The following HS6ST3 variants were observed in gnomAD, a reference collection of about 807,000 sequenced individuals.
HS6ST3 encodes the protein heparan-sulfate 6-O-sulfotransferase 3.
HS6ST3 carries 12 observed loss-of-function variants against 36.7 expected under a neutral mutation model. The ratio of observed to expected loss-of-function variants is 0.33; its 90% confidence interval spans 0.21 to 0.53. HS6ST3 has a LOEUF of 0.53. Among genes scored for constraint, HS6ST3 ranks in the 20% least tolerant of loss-of-function variants. The probability of loss-of-function intolerance (pLI) is 0.95; values close to 1 mark genes in which losing one functional copy is unlikely to be tolerated. For missense variants in HS6ST3, 584 were observed against 640.9 expected, an observed-to-expected ratio of 0.91 and a Z score of 0.96; for synonymous variants, 240 against 257.5, an observed-to-expected ratio of 0.93 and a Z score of 0.65.
chr13:96,209,007 G>A (rs2054385644), intron 1 of HS6ST3, among the ~76,000 whole-genome samples: 1 of 152,144 alleles, frequency 6.6e-6, no homozygotes. Flanking sequence ...ATGAGTTTGT[G>A]CACACTCCAA....
intron 1 of HS6ST3, among the ~76,000 whole-genome samples, chr13:96,701,093 GAAA>G (rs574383806): frequency 1.3e-5 from 2 of 152,002 alleles, no homozygotes; most frequent in East Asian, 3.9e-4. Context: ...GATTTTGGGA[GAAA>G]AAAACACGTT....
intron 1 of HS6ST3, among the ~76,000 whole-genome samples, chr13:96,687,609 C>T (rs1176302257): frequency 2.0e-5 from 3 of 151,638 alleles, no homozygotes; most frequent in South Asian, 2.1e-4. Flanking sequence ...GTAAAATGAT[C>T]TAGTAGTGTG....
At chr13:96,729,414 C>T (rs988110857) in intron 1 of HS6ST3, among the ~76,000 whole-genome samples, 1 of 152,066 alleles carries the variant, frequency 6.6e-6, no homozygotes, top group Non-Finnish European at 1.5e-5. Context: ...AACCTGGGTG[C>T]CATGAGATTA....
At chr13:96,121,470 G>A (rs2053925038) in intron 1 of HS6ST3, among the ~76,000 whole-genome samples, 1 of 152,186 alleles carries the variant, frequency 6.6e-6, no homozygotes. Context: ...CATCTTGTGG[G>A]CACCCTCCTT....
chr13:96,145,473 A>G (rs576325596), intron 1 of HS6ST3, among the ~76,000 whole-genome samples: 151 of 152,180 alleles, frequency 9.9e-4, no homozygotes, highest in African/African-American at 3.6e-3. Context: ...TGTCTGTTAT[A>G]TCCTTCGCCC....
At chr13:96,378,352 C>A (rs1017864064) in intron 1 of HS6ST3, among the ~76,000 whole-genome samples, 2 of 152,120 alleles carry the variant, frequency 1.3e-5, no homozygotes, top group Admixed American at 1.3e-4. Context: ...GACTTAGCTT[C>A]GGAAGAGGTG....
rs560506379 is a variant in HS6ST3 at position 96,579,339 on chromosome 13, C to A, written c.708-253151C>A. ...TACCCTGAAGCAAGAGACTATATGA[C>A]CTTCAGTGCAAAGACTTCAGACCAA... On this transcript the variant is annotated intron_variant, in intron 1 of 1. Transcript: ENST00000376705. Among the ~76,000 whole-genome samples the A allele has an allele frequency of 2.0e-4, 31 of 152,190 alleles. No homozygotes were observed. The South Asian group carries it at 6.0e-3, about 30-fold the overall frequency.
chr13:96,814,630 T>G (rs1279030318), intron 1 of HS6ST3, among the ~76,000 whole-genome samples: 1 of 152,144 alleles, frequency 6.6e-6, no homozygotes, highest in African/African-American at 2.4e-5. Flanking sequence ...TATTGGGGAT[T>G]TTTTTCAAGA....
intron 1 of HS6ST3, among the ~76,000 whole-genome samples, chr13:96,366,627 A>G (rs1223257025): frequency 1.3e-5 from 2 of 151,994 alleles, no homozygotes; most frequent in African/African-American, 4.8e-5. Context: ...CATGCCCAAG[A>G]TGCACCCCAG....
At chr13:96,329,377 T>C (rs1250875332) in intron 1 of HS6ST3, among the ~76,000 whole-genome samples, 237 of 111,296 alleles carry the variant, frequency 2.1e-3, no homozygotes, top group East Asian at 3.9e-3. Flanking sequence ...TTCTGGTATG[T>C]TGTGTCTTTG....
intron 1 of HS6ST3, among the ~76,000 whole-genome samples, chr13:96,497,646 T>C (rs1001177023): frequency 5.3e-5 from 8 of 152,138 alleles, no homozygotes; most frequent in African/African-American, 1.9e-4. Flanking sequence ...AATCTGATTG[T>C]ATCAGTCATG....
At chr13:96,231,654 A>G (rs1040895218) in intron 1 of HS6ST3, among the ~76,000 whole-genome samples, 2 of 152,148 alleles carry the variant, frequency 1.3e-5, no homozygotes, top group Non-Finnish European at 2.9e-5. Context: ...GGGATTTACA[A>G]TTGGACATGA....
chr13:96,640,053 AT>A (rs2056564903), intron 1 of HS6ST3, among the ~76,000 whole-genome samples: 1 of 151,686 alleles, frequency 6.6e-6, no homozygotes, highest in Non-Finnish European at 1.5e-5. Context: ...TGGTAGAATG[AT>A]TTATTTTGGT....
In HS6ST3 at chr13:96,110,441, TG is replaced by T. The variant is rs201356226; in HGVS notation, c.707+18873del. Among the ~76,000 whole-genome samples, 510 of 134,662 alleles carry T rather than the reference TG, an allele frequency of 3.8e-3. 10 individuals carry two copies. Among genetic ancestry groups the T allele is most frequent in the South Asian group, 0.024 (96 of 4,076 alleles). 88.3% of individuals were successfully genotyped at this position (134,662 alleles called of 152,430 possible). ...TTTTCTTTTTTAATTTGTGTGTGTG[TG>T]TTTTTTTTTTTTGAGACGGTGTCTC... On this transcript the variant is annotated intron_variant, in intron 1 of 1. Transcript: ENST00000376705.
At chr13:96,805,223 GA>G (rs1307823426) in intron 1 of HS6ST3, among the ~76,000 whole-genome samples, 1 of 152,108 alleles carries the variant, frequency 6.6e-6, no homozygotes, top group African/African-American at 2.4e-5. Flanking sequence ...GGCCTGGTGG[GA>G]GGTGATTGAG....
chr13:96,431,310 A>G (rs1476591461), intron 1 of HS6ST3, among the ~76,000 whole-genome samples: 1 of 152,130 alleles, frequency 6.6e-6, no homozygotes, highest in Admixed American at 6.5e-5. Flanking sequence ...AAACAACATG[A>G]AGAGAGGGAA....
At chr13:96,810,601 G>A (rs1362889877) in intron 1 of HS6ST3, among the ~76,000 whole-genome samples, 1 of 152,166 alleles carries the variant, frequency 6.6e-6, no homozygotes, top group Admixed American at 6.5e-5. Flanking sequence ...TTCCAGAAAG[G>A]TTAAATAATT....
chr13:96,102,795 C>T (rs867708029), intron 1 of HS6ST3, among the ~76,000 whole-genome samples: 4 of 152,116 alleles, frequency 2.6e-5, no homozygotes, highest in South Asian at 4.1e-4. Flanking sequence ...CCTGCACTTT[C>T]GCAAGCAAGT....
chr13:96,170,205 G>A (rs1002790905), intron 1 of HS6ST3, among the ~76,000 whole-genome samples: 39 of 152,186 alleles, frequency 2.6e-4, no homozygotes, highest in African/African-American at 9.4e-4. Context: ...GACACCGGGT[G>A]CTCTATCTTT....
Sources: gnomAD v4.1 joint callset for allele counts (sites outside exome capture counted in the v4.1 genomes callset) on GRCh38, gnomAD v4.1.1 for gene constraint, MANE v1.5 for transcripts, NCBI Gene and HGNC (gene_info 2026-07-23, HGNC 2026-07-21) for gene names.